The following ZNF836 variants were observed in gnomAD, a reference collection of about 807,000 sequenced individuals.
ZNF836 encodes zinc finger protein 836.
ZNF836 carries 12 observed loss-of-function variants against 7.4 expected under a neutral mutation model. The ratio of observed to expected loss-of-function variants is 1.61; its 90% CI spans 1.03 to 2.61. The LOEUF is 2.61. Among genes scored for constraint, ZNF836 ranks in the 30% most tolerant of loss-of-function variants. The pLI is 0.00. For missense variants in ZNF836, 998 were observed against 1,126.2 expected, an observed-to-expected ratio of 0.89 and a Z score of 1.63; for synonymous variants, 365 against 382.6, an observed-to-expected ratio of 0.95 and a Z score of 0.54.
chr19:52,155,888 G>A lies in ZNF836; in HGVS notation c.1795C>T (p.Arg599Cys), dbSNP rs1174868003. Residue 599 changes from arginine (R) to cysteine (C), a missense_variant, in exon 5 of 5, where the codon CGT (arginine) becomes TGT (cysteine). By Grantham distance (180) the Arg-to-Cys change is radical. Coordinates refer to ENST00000682614, the MANE Select transcript of ZNF836 (RefSeq NM_001102657.3). ...TGCCCAGTATGAATTCTTAGATGAC[G>A]TGCTAGGCATGAGTAGTTCCTGAAG... ...TVFRNYSCLA[R>C]HLRIHTGQKP... 8 of 1,608,012 alleles carry A rather than the reference G, an allele frequency of 5.0e-6. No individual in the cohort carries two copies. In the South Asian group the frequency reaches 5.5e-5, roughly 11 times the overall value.
rs753937728 is a variant in ZNF836 at position 52,157,301 on chromosome 19, T to G, written c.382A>C (p.Ser128Arg). The G allele has an allele frequency of 9.3e-6, 15 of 1,604,848 alleles. No individual in the cohort carries two copies. Among genetic ancestry groups the G allele is most frequent in the Admixed American group, 1.7e-5 (1 of 58,376 alleles). ...NNLNGKRGQH[S>R]QEDVENKCIE... ...CATTTGTTTTCTACATCCTCTTGAC[T>G]ATGTTGACCTCTTTTACCATTAAGA... The change falls in exon 5 of 5, where the codon AGT becomes CGT. Residue 128 changes from serine to arginine, a missense_variant. Transcript: ENST00000682614.
Position 52,157,272 on chromosome 19 carries a change from A to G in ZNF836, c.411T>C (p.Ile137=), listed in dbSNP as rs1172554595. ...HSQEDVENKC[I]ENQLTLSFQS... is the part of the protein sequence containing the mutation. ...GAAAGCTTAATGTAAGCTGATTTTCAATACATTTGTTTTCTACATCCTCTT... is the reference window on the plus strand; with the variant it reads ...GAAAGCTTAATGTAAGCTGATTTTCGATACATTTGTTTTCTACATCCTCTT... Residue 137 remains isoleucine (I), a synonymous_variant, in exon 5 of 5, where the codon ATT becomes ATC. Transcript: ENST00000682614. 6.2e-7 allele frequency: 1 copy of G among 1,605,618 alleles called. No individual in the cohort carries two copies. Among genetic ancestry groups the G allele is most frequent in the Non-Finnish European group, 8.5e-7 (1 of 1,175,004 alleles).
intron 3 of ZNF836, 59 bp from the exon 4 acceptor site, chr19:52,160,650 A>T: frequency 6.5e-7 from 1 of 1,533,472 alleles, no homozygotes; most frequent in Non-Finnish European, 8.7e-7. Context: ...TATACATAAA[A>T]TGAGAAGAGG....
intron 3 of ZNF836, among the ~76,000 whole-genome samples, chr19:52,162,573 G>A (rs1369039999): frequency 6.6e-6 from 1 of 152,220 alleles, no homozygotes; most frequent in African/African-American, 2.4e-5. Flanking sequence ...GAGTATATTT[G>A]GAAGAAGGGG....
At chr19:52,164,185 A>T (rs1451727509) in intron 3 of ZNF836, among the ~76,000 whole-genome samples, 2 of 152,082 alleles carry the variant, frequency 1.3e-5, no homozygotes, top group Non-Finnish European at 2.9e-5. Context: ...TGAGGTCAGG[A>T]GTTTGAGACC....
At chr19:52,168,252 G>C (rs1026038450) in intron 2 of ZNF836, 100 bp from the exon 3 acceptor site, 4 of 689,212 alleles carry the variant, frequency 5.8e-6, no homozygotes, top group Admixed American at 2.8e-5. Context: ...TGGAGAGACA[G>C]CCCACTGCAC....
chr19:52,160,766 A>G (rs3794976), intron 3 of ZNF836, 175 bp from the exon 4 acceptor site: 219,363 of 683,986 alleles, frequency 0.32, 43,897 homozygotes, highest in African/African-American at 0.72. Flanking sequence ...AATTCAATAG[A>G]AGATTATGAT....
chr19:52,168,203 C>T (rs571038064), intron 2 of ZNF836, 51 bp from the exon 3 acceptor site: 2 of 1,255,412 alleles, frequency 1.6e-6, no homozygotes, highest in Non-Finnish European at 2.2e-6. Flanking sequence ...ACATTCCTTT[C>T]TGCGCTACAA....
In ZNF836 at chr19:52,155,754, G is replaced by A. The variant is rs755279844; in HGVS notation, c.1929C>T (p.Cys643=). ...TGEKPFQCNE[C]GKVFSYYSCL... ...ATGAGTAGTAACTGAAAACCTTGCCGCATTCGTTACATTGAAACGGCTTCT... is the reference window on the plus strand; with the variant it reads ...ATGAGTAGTAACTGAAAACCTTGCCACATTCGTTACATTGAAACGGCTTCT... Residue 643 remains cysteine (C), a synonymous_variant, in exon 5 of 5, where the codon TGC becomes TGT. Transcript: ENST00000682614. 36 of 1,613,530 alleles carry A rather than the reference G, an allele frequency of 2.2e-5. No homozygotes were observed. The highest frequency in any genetic ancestry group is 7.7e-5 in the South Asian group (7 of 91,044).
rs1046600130 is a variant in ZNF836 at position 52,161,899 on chromosome 19, T to C, written c.16-1308A>G. On this transcript the variant is annotated intron_variant, in intron 3 of 4. Coordinates refer to ENST00000682614, the MANE Select transcript of ZNF836 (RefSeq NM_001102657.3). This position sits in a 1 kb window ranked among gnomAD's most constrained non-coding sequence, Gnocchi z 4.1. ...TGAACCTATGAAAGCAAACGAGTTA[T>C]GTGCTTCCAAAATACAATGGTGGGG... Among the ~76,000 whole-genome samples, 4 of 152,226 alleles carry C rather than the reference T, an allele frequency of 2.6e-5. No homozygotes were observed. The highest frequency in any genetic ancestry group is 5.9e-5 in the Non-Finnish European group (4 of 68,044).
chr19:52,170,357 T>TA (rs1441057664), intron 1 of ZNF836: 1 of 152,420 alleles, frequency 6.6e-6, no homozygotes, highest in African/African-American at 2.4e-5. Flanking sequence ...AATTCCCTCT[T>TA]ACCTGTTACA....
chr19:52,166,870 C>T (rs939246869), intron 3 of ZNF836, among the ~76,000 whole-genome samples: 4 of 151,734 alleles, frequency 2.6e-5, no homozygotes, highest in Non-Finnish European at 4.4e-5. Flanking sequence ...TGAGCCACCG[C>T]GCCCGGCCTG....
Position 52,155,580 on chromosome 19 carries a change from C to T in ZNF836, c.2103G>A (p.Gly701=). ...CAAGTTTTGAACTTTGGATAAATGCCCCTCCAAACTCATTACAATTGTAAG... is the reference window on the plus strand; with the variant it reads ...CAAGTTTTGAACTTTGGATAAATGCTCCTCCAAACTCATTACAATTGTAAG... ...EKPYNCNEFG[G]AFIQSSKLAR... Residue 701 remains glycine (G), a synonymous_variant, in exon 5 of 5, where the codon GGG becomes GGA. Transcript: ENST00000682614. 1 of 1,613,782 alleles carries T rather than the reference C, an allele frequency of 6.2e-7. No homozygotes were observed. Among genetic ancestry groups the T allele is most frequent in the Non-Finnish European group, 8.5e-7 (1 of 1,179,878 alleles).
chr19:52,155,668 C>A lies in ZNF836; in HGVS notation c.2015G>T (p.Gly672Val), dbSNP rs746267089. The A allele has an allele frequency of 2.4e-5, 39 of 1,614,010 alleles. No individual in the cohort carries two copies. In the South Asian group the frequency reaches 4.2e-4, roughly 17 times the overall value. The stretch of plus-strand genomic sequence containing the variant: ...GCTTGAACGCTGAGTATAGGCTTTG[C>A]CACAATCATTACATTTGTAAGGTTT... ...GEKPYKCNDC[G>V]KAYTQRSSLT... The change falls in exon 5 of 5, where the codon GGC (glycine) becomes GTC (valine). Residue 672 changes from glycine (G) to valine (V), a missense_variant. By Grantham distance (109) the Gly-to-Val change is moderately radical. Coordinates refer to ENST00000682614, the MANE Select transcript of ZNF836 (RefSeq NM_001102657.3).
chr19:52,170,294 G>C (rs952814230), intron 1 of ZNF836: 2 of 152,188 alleles, frequency 1.3e-5, no homozygotes, highest in Non-Finnish European at 2.9e-5. Flanking sequence ...CAATCTCCAC[G>C]TATTTCCGCC....
chr19:52,162,036 T>C (rs978369862), intron 3 of ZNF836, among the ~76,000 whole-genome samples: 1 of 152,180 alleles, frequency 6.6e-6, no homozygotes. Context: ...CACTAAGGCT[T>C]GACAATAATC....
chr19:52,155,502 A>T lies in ZNF836; in HGVS notation c.2181T>A (p.Cys727Ter), dbSNP rs2089145478. 1 of 1,614,026 alleles carries T rather than the reference A, an allele frequency of 6.2e-7. No homozygotes were observed. Among genetic ancestry groups the T allele is most frequent in the Non-Finnish European group, 8.5e-7 (1 of 1,179,898 alleles). ...TGEKPHKCSH[C>*]GRTFSHITGL... is the part of the protein sequence containing the mutation. ...CTGTTATATGACTAAAAGTTCTACCACAATGGCTACATTTGTGTGGTTTCT... is the reference window on the plus strand; with the variant it reads ...CTGTTATATGACTAAAAGTTCTACCTCAATGGCTACATTTGTGTGGTTTCT... The change falls in exon 5 of 5, where the codon TGT (cysteine) becomes TGA (stop). Residue 727 changes from cysteine to a stop codon, truncating the protein, a stop_gained. Transcript: ENST00000682614. LOFTEE classifies it low-confidence loss of function (END_TRUNC).
chr19:52,156,588 C>CT lies in ZNF836; in HGVS notation c.1094dup (p.Val366GlyfsTer7), dbSNP rs755146725. 1 of 1,613,460 alleles carries CT rather than the reference C, an allele frequency of 6.2e-7. No homozygotes were observed. The highest frequency in any genetic ancestry group is 1.1e-5 in the South Asian group (1 of 91,038). On this transcript the variant is annotated frameshift_variant, in exon 5 of 5. Transcript: ENST00000682614. LOFTEE classifies it low-confidence loss of function (END_TRUNC). ...CAAGATTAGAATTCTGCCTGAAGAC[C>CT]TTGCCACATATATCACATTGATATG...
intron 1 of ZNF836, 98 bp downstream of exon 1, chr19:52,171,238 G>A (rs2089305484): frequency 1.3e-5 from 2 of 152,430 alleles, no homozygotes; most frequent in African/African-American, 4.8e-5. Flanking sequence ...CACGACCTGA[G>A]TGGGGTTGTC....
Sources: allele counts gnomAD v4.1 joint callset (sites outside exome capture counted in the v4.1 genomes callset), GRCh38; gene constraint gnomAD v4.1.1; non-coding constraint Gnocchi (gnomAD v3.1); transcripts MANE v1.5; gene names NCBI Gene and HGNC (gene_info 2026-07-23, HGNC 2026-07-21).